MCM2: variants seen among roughly 807,000 people sequenced by gnomAD.
MCM2 encodes the protein minichromosome maintenance complex component 2.
Under a neutral mutation model 86.4 loss-of-function variants are expected in MCM2, and 49 were observed. The observed-to-expected ratio is 0.57, with a 90% CI of 0.45 to 0.72. The LOEUF (loss-of-function observed/expected upper bound fraction) is 0.72, where lower values mean the gene tolerates loss of function less well. Among genes scored for constraint, MCM2 ranks in the 30% least tolerant of loss-of-function variants. The pLI is 0.00. For missense variants in MCM2, 1,038 were observed against 1,259.9 expected (o/e 0.82, Z 2.67); for synonymous variants, 475 against 484.6 (o/e 0.98, Z 0.26).
At chr3:127,603,147 C>T (rs2074317065) in intron 2 of MCM2, among the ~76,000 whole-genome samples, 1 of 150,824 alleles carries the variant, frequency 6.6e-6, no homozygotes, top group Admixed American at 6.6e-5. Context: ...ACTACAGGCG[C>T]CCACCACCGC....
intron 9 of MCM2, among the ~76,000 whole-genome samples, chr3:127,616,477 G>T (rs534157651): frequency 6.6e-6 from 1 of 152,276 alleles, no homozygotes; most frequent in South Asian, 2.1e-4. Context: ...GTGCCTGTGC[G>T]CAGTGCATCC....
chr3:127,615,458 G>A (rs373610316), intron 8 of MCM2, among the ~76,000 whole-genome samples: 17 of 152,248 alleles, frequency 1.1e-4, no homozygotes, highest in African/African-American at 4.1e-4. Context: ...ATGAACTGTC[G>A]CATTTGTACC....
At chr3:127,620,928 A>C (rs1192769928) in intron 14 of MCM2, 48 bp downstream of exon 14, 2 of 1,573,838 alleles carry the variant, frequency 1.3e-6, no homozygotes, top group Admixed American at 1.7e-5. Flanking sequence ...TCAGTGAAGG[A>C]GGCCACACGT....
rs2307315 is a variant in MCM2, at chr3:127,606,112, T to G, written c.674-6T>G. 5 of 1,612,302 alleles carry G rather than the reference T, an allele frequency of 3.1e-6. No homozygotes were observed. The highest frequency in any genetic ancestry group is 4.2e-6 in the Non-Finnish European group (5 of 1,178,596). ...TTAACTCTCTTCCCACTGTGCCCCCTTCTAGAGAACCGTGAGAGCCTGGTG... is the reference window on the plus strand; with the variant it reads ...TTAACTCTCTTCCCACTGTGCCCCCGTCTAGAGAACCGTGAGAGCCTGGTG... On this transcript the variant is annotated splice_polypyrimidine_tract_variant and splice_region_variant and intron_variant, in intron 4 of 15. Transcript: ENST00000265056. The surrounding 1 kb of genome is among the most constrained non-coding windows in gnomAD (Gnocchi z 4.2).
intron 15 of MCM2, 116 bp from the exon 16 acceptor site, chr3:127,621,545 GAT>G: frequency 1.4e-6 from 1 of 689,892 alleles, no homozygotes; most frequent in Non-Finnish European, 2.5e-6. Context: ...TCCACCCCTG[GAT>G]ATTTTCCTCC....
chr3:127,599,671 C>A, intron 2 of MCM2, 124 bp downstream of exon 2: 1 of 835,872 alleles, frequency 1.2e-6, no homozygotes, highest in Non-Finnish European at 1.9e-6. Context: ...TTGAGCACAG[C>A]TTGATCCAGG....
chr3:127,604,810 G>C (rs2074332906), intron 3 of MCM2, 27 bp downstream of exon 3: 14 of 1,574,060 alleles, frequency 8.9e-6, no homozygotes, highest in Middle Eastern at 2.0e-4. Context: ...GCCTGCCCGA[G>C]GGACTGGGAA....
At chr3:127,610,590 C>T (rs982454402) in intron 8 of MCM2, among the ~76,000 whole-genome samples, 2 of 152,140 alleles carry the variant, frequency 1.3e-5, no homozygotes, top group Non-Finnish European at 2.9e-5. Context: ...ATGGTTTGTT[C>T]TGTTCCTTTC....
chr3:127,604,585 C>T (rs2074330387), intron 2 of MCM2, 23 bp from the exon 3 acceptor site: 1 of 1,606,230 alleles, frequency 6.2e-7, no homozygotes, highest in South Asian at 1.1e-5. Context: ...GCAGTAACCA[C>T]ATCTGTTTTG....
chr3:127,612,167 G>T (rs2074403540), intron 8 of MCM2, among the ~76,000 whole-genome samples: 1 of 152,204 alleles, frequency 6.6e-6, no homozygotes, highest in African/African-American at 2.4e-5. Context: ...AGCTGCCCTT[G>T]CAGGTAGGGC....
At chr3:127,600,445 C>G (rs1414115072) in intron 2 of MCM2, among the ~76,000 whole-genome samples, 1 of 152,192 alleles carries the variant, frequency 6.6e-6, no homozygotes, top group Admixed American at 6.5e-5. Context: ...CCAGGAGCCT[C>G]GTGGAGATGC....
At chr3:127,599,891 G>T (rs890011907) in intron 2 of MCM2, among the ~76,000 whole-genome samples, 5 of 152,254 alleles carry the variant, frequency 3.3e-5, no homozygotes, top group African/African-American at 1.2e-4. Context: ...AAGGAAAGGT[G>T]CATGGGGGAG....
rs373434842 is a variant in MCM2, at chr3:127,604,725, G to T, written c.354G>T (p.Arg118=). 2 of 1,611,232 alleles carry T rather than the reference G, an allele frequency of 1.2e-6. No individual in the cohort carries two copies. The highest frequency in any genetic ancestry group is 1.1e-5 in the South Asian group (1 of 90,946). Residue 118 remains arginine, a synonymous_variant, in exon 3 of 16, where the codon CGG becomes CGT. Coordinates refer to ENST00000265056, the MANE Select transcript of MCM2 (RefSeq NM_004526.4). ...GGGAGGCAGCAGAGCGGGCCATGCG[G>T]CAGCGTGACCGGGAGGCTGGCCGGG... ...SQREAAERAM[R]QRDREAGRGL...
rs142270797 is a variant in MCM2 at position 127,605,712 on chromosome 3, T to A, written c.674-406T>A. ...GCCTTGGCCTCCCAGAGTGTTGAGA[T>A]AACAGGCGTGAGCCACCGTCCCCAG... On this transcript the variant is annotated intron_variant, in intron 4 of 15. Transcript: ENST00000265056. Among the ~76,000 whole-genome samples the A allele has an allele frequency of 1.8e-4, 27 of 152,224 alleles. No individual in the cohort carries two copies. The East Asian group carries it at 5.2e-3, about 29-fold the overall frequency.
rs59607211 is a variant in MCM2, at chr3:127,611,682, C to CTT, written c.1428+2692_1428+2693dup. On this transcript the variant is annotated intron_variant, in intron 8 of 15. Transcript: ENST00000265056. ...AAGCCCTGCAGGCTTCTGCAGCTGA[C>CTT]TTTTTTTTTTTTTTTTTTTTTTTTT... 9.2e-3 allele frequency among the ~76,000 whole-genome samples: 499 copies of CTT among 54,276 alleles called. 133 individuals are homozygous for CTT. The highest frequency in any genetic ancestry group is 0.033 in the East Asian group (44 of 1,314). The allele number at this position is 54,276 out of a possible 152,430, so 35.6% of individuals were successfully genotyped here.
At chr3:127,598,593 G>C in intron 1 of MCM2, 121 bp downstream of exon 1, 1 of 1,335,646 alleles carries the variant, frequency 7.5e-7, no homozygotes, top group Non-Finnish European at 1.0e-6. Context: ...CCAGGCTCTG[G>C]GGCGCAGCTA....
At chr3:127,605,390 A>T (rs1471951775) in intron 4 of MCM2, among the ~76,000 whole-genome samples, 1 of 152,008 alleles carries the variant, frequency 6.6e-6, no homozygotes, top group Non-Finnish European at 1.5e-5. Context: ...GATTTTATAT[A>T]AAAATCTGGA....
At chr3:127,614,425 A>G (rs922721741) in intron 8 of MCM2, among the ~76,000 whole-genome samples, 11 of 152,214 alleles carry the variant, frequency 7.2e-5, no homozygotes, top group Non-Finnish European at 2.9e-5. Context: ...AATAAGATCC[A>G]TAAGTTGTGA....
chr3:127,608,079 A>C (rs901089167), intron 6 of MCM2, among the ~76,000 whole-genome samples: 14 of 152,224 alleles, frequency 9.2e-5, no homozygotes, highest in African/African-American at 2.9e-4. Flanking sequence ...GCCCAAGATC[A>C]CACAGCTTAG....
Sources: allele counts gnomAD v4.1 joint callset (sites outside exome capture counted in the v4.1 genomes callset), GRCh38; gene constraint gnomAD v4.1.1; non-coding constraint Gnocchi (gnomAD v3.1); transcripts MANE v1.5; gene names NCBI Gene and HGNC (gene_info 2026-07-23, HGNC 2026-07-21).